GMPR: variants seen among roughly 807,000 people sequenced by gnomAD.
The protein encoded by GMPR is guanosine monophosphate reductase.
GMPR carries 31 observed loss-of-function variants against 38.4 expected under a neutral mutation model. That is an observed-to-expected ratio of 0.81 (90% CI 0.61 to 1.09). The LOEUF is 1.09. GMPR is among the 50% of genes least tolerant of loss of function. The probability of loss-of-function intolerance (pLI) is 0.00; values close to 1 mark genes in which losing one functional copy is unlikely to be tolerated. For missense variants in GMPR, 468 were observed against 453.7 expected (o/e 1.03, Z -0.29); for synonymous variants, 162 against 173.3 (o/e 0.93, Z 0.51).
At chr6:16,276,072 GA>G (rs892374379) in intron 5 of GMPR, among the ~76,000 whole-genome samples, 24 of 146,872 alleles carry the variant, frequency 1.6e-4, no homozygotes, top group Admixed American at 9.5e-4. Context: ...CCTGTCTCAA[GA>G]AAAAAAAAAG....
At chr6:16,249,446 A>G (rs946199232) in intron 2 of GMPR, among the ~76,000 whole-genome samples, 1 of 152,192 alleles carries the variant, frequency 6.6e-6, no homozygotes, top group Non-Finnish European at 1.5e-5. Context: ...CTGGGATTAC[A>G]GGAATGTGCC....
chr6:16,287,451 G>A (rs1286691373), intron 7 of GMPR, among the ~76,000 whole-genome samples: 2 of 152,176 alleles, frequency 1.3e-5, no homozygotes, highest in African/African-American at 4.8e-5. Flanking sequence ...TCCTTTGGGT[G>A]CCATTCCCTC....
intron 2 of GMPR, among the ~76,000 whole-genome samples, chr6:16,248,290 G>A (rs1267651551): frequency 6.9e-6 from 1 of 145,452 alleles, no homozygotes; most frequent in Non-Finnish European, 1.5e-5. Flanking sequence ...GAGAAGTACT[G>A]TTTGTTAAAA....
Position 16,294,705 on chromosome 6 carries a change from A to G in GMPR, c.858-301A>G, listed in dbSNP as rs74739472. 2.4e-3 allele frequency among the ~76,000 whole-genome samples: 360 copies of G among 152,332 alleles called. 2 individuals are homozygous for G. The highest frequency in any genetic ancestry group is 8.2e-3 in the African/African-American group (339 of 41,578). ...GCACGTTGCTGGAGAGAATGGCACC[A>G]AGCAGGGTGTTATGGGTCCCTGACT... is the stretch of plus-strand genomic sequence containing the variant. On this transcript the variant is annotated intron_variant, in intron 8 of 8. Transcript: ENST00000259727.
At chr6:16,265,968 A>G (rs1231395851) in intron 4 of GMPR, among the ~76,000 whole-genome samples, 2 of 152,056 alleles carry the variant, frequency 1.3e-5, no homozygotes, top group African/African-American at 2.4e-5. Flanking sequence ...GAAAGGAACA[A>G]TTGTGGATGT....
rs575335144 is a variant in GMPR at position 16,254,812 on chromosome 6, G to A, written c.465+77G>A. 43 of 1,035,252 alleles carry A rather than the reference G, an allele frequency of 4.2e-5. No individual in the cohort carries two copies. In the South Asian group the frequency reaches 5.2e-4, roughly 13 times the overall value. 64.1% of individuals were successfully genotyped at this position (1,035,252 alleles called of 1,614,324 possible). On this transcript the variant is annotated intron_variant, in intron 4 of 8. Coordinates refer to ENST00000259727, the MANE Select transcript of GMPR (RefSeq NM_006877.4). The stretch of plus-strand genomic sequence containing the variant: ...GAGGGAGTTGTTCAATGTGTCGGGG[G>A]AGCTGTATCCTCTTCAGAGCTTTTG...
At chr6:16,248,648 G>A (rs1048611581) in intron 2 of GMPR, among the ~76,000 whole-genome samples, 5 of 152,130 alleles carry the variant, frequency 3.3e-5, no homozygotes, top group Admixed American at 3.3e-4. Flanking sequence ...CACTTGCATT[G>A]TCTGTCAGAC....
At chr6:16,277,129 C>G (rs1451088342) in intron 5 of GMPR, among the ~76,000 whole-genome samples, 1 of 152,096 alleles carries the variant, frequency 6.6e-6, no homozygotes, top group Non-Finnish European at 1.5e-5. Flanking sequence ...GGTTGCAGGG[C>G]GGGGGGAAGG....
chr6:16,276,585 C>T (rs1759476383), intron 5 of GMPR, among the ~76,000 whole-genome samples: 1 of 152,204 alleles, frequency 6.6e-6, no homozygotes, highest in Non-Finnish European at 1.5e-5. Context: ...TCTGCTCTCA[C>T]TGTATCTCCC....
rs74886195 is a variant in GMPR at position 16,273,317 on chromosome 6, A to G, written c.466-1098A>G. On this transcript the variant is annotated intron_variant, in intron 4 of 8. Coordinates refer to ENST00000259727, the MANE Select transcript of GMPR (RefSeq NM_006877.4). Reference sequence around the variant, plus strand: ...GGAATGAGTAAGGATTCATTTTGCAAAATATGACTTTGCACAGTTGTGAAA... The same window carrying G: ...GGAATGAGTAAGGATTCATTTTGCAGAATATGACTTTGCACAGTTGTGAAA... Among the ~76,000 whole-genome samples the G allele has an allele frequency of 9.8e-4, 150 of 152,344 alleles. 4 individuals carry two copies. In the East Asian group the frequency reaches 0.022, roughly 22 times the overall value.
chr6:16,285,597 G>A (rs146430590), intron 6 of GMPR, among the ~76,000 whole-genome samples, 196 bp from the exon 7 acceptor site: 36 of 152,210 alleles, frequency 2.4e-4, no homozygotes, highest in African/African-American at 7.5e-4. Context: ...GATGGGCCTG[G>A]GGAGTGAAAG....
chr6:16,281,212 G>A (rs563807059), intron 6 of GMPR, among the ~76,000 whole-genome samples: 1 of 152,314 alleles, frequency 6.6e-6, no homozygotes, highest in African/African-American at 2.4e-5. Context: ...AACTCTGCAG[G>A]TGAGGCCCAG....
chr6:16,288,415 G>A (rs1278492523), intron 7 of GMPR, among the ~76,000 whole-genome samples: 4 of 152,222 alleles, frequency 2.6e-5, no homozygotes, highest in Non-Finnish European at 5.9e-5. Flanking sequence ...AGCTGCGGAG[G>A]GTGTGCTGGG....
chr6:16,280,616 C>G (rs932264750), intron 6 of GMPR, among the ~76,000 whole-genome samples: 1 of 152,300 alleles, frequency 6.6e-6, no homozygotes, highest in African/African-American at 2.4e-5. Flanking sequence ...GGCAGTAGTA[C>G]CATTCCGCAG....
intron 4 of GMPR, among the ~76,000 whole-genome samples, chr6:16,256,351 TAA>T (rs200060049): frequency 4.1e-5 from 5 of 120,856 alleles, no homozygotes; most frequent in Admixed American, 1.7e-4. Context: ...CTGCATCTAC[TAA>T]AAAAAAAAAA....
At chr6:16,269,880 G>C (rs757102995) in intron 4 of GMPR, among the ~76,000 whole-genome samples, 2 of 152,170 alleles carry the variant, frequency 1.3e-5, no homozygotes, top group Admixed American at 6.5e-5. Flanking sequence ...AGGCAGATTC[G>C]GTATCTGGTG....
chr6:16,271,115 A>C (rs558718236), intron 4 of GMPR, among the ~76,000 whole-genome samples: 1 of 152,280 alleles, frequency 6.6e-6, no homozygotes, highest in East Asian at 1.9e-4. Context: ...GAATTAATCT[A>C]TTTTATCTAA....
chr6:16,271,645 G>A (rs755092247), intron 4 of GMPR, among the ~76,000 whole-genome samples: 2 of 152,092 alleles, frequency 1.3e-5, no homozygotes, highest in Non-Finnish European at 2.9e-5. Flanking sequence ...CAGGGACAGA[G>A]CTCATGCTGT....
Position 16,270,485 on chromosome 6 carries a change from C to G in GMPR, c.466-3930C>G. Among the ~76,000 whole-genome samples, 2 of 152,226 alleles carry G rather than the reference C, an allele frequency of 1.3e-5. 1 individual carries two copies. Among genetic ancestry groups the G allele is most frequent in the Non-Finnish European group, 2.9e-5 (2 of 68,034 alleles). On this transcript the variant is annotated intron_variant, in intron 4 of 8. Transcript: ENST00000259727. ...AGATAAAGTAGACTCCTCACTTAAT[C>G]ACCCTGACCAGCTGCTTCCTGGCCC...
Sources: allele counts gnomAD v4.1 joint callset (sites outside exome capture counted in the v4.1 genomes callset), GRCh38; gene constraint gnomAD v4.1.1; transcripts MANE v1.5; gene names NCBI Gene and HGNC (gene_info 2026-07-23, HGNC 2026-07-21).